TMEM128: variants seen among roughly 807,000 people sequenced by gnomAD.
TMEM128 encodes the protein transmembrane protein 128.
In TMEM128, 16 loss-of-function variants were observed where a neutral mutation model predicts 19.7. That is an observed-to-expected ratio of 0.81 (90% CI 0.55 to 1.23). The LOEUF is 1.23. TMEM128 is among the 50% of genes most tolerant of loss of function. TMEM128 has a pLI of 0.00. For missense variants in TMEM128, 237 were observed against 200.8 expected (o/e 1.18, Z -1.09); for synonymous variants, 98 against 75.8 (o/e 1.29, Z -1.52).
At chr4:4,239,897 G>T (rs1383646516) in intron 3 of TMEM128, among the ~76,000 whole-genome samples, 2 of 152,212 alleles carry the variant, frequency 1.3e-5, no homozygotes, top group Non-Finnish European at 2.9e-5. Flanking sequence ...TTACCATGAA[G>T]GTCAGGGCAG....
chr4:4,238,695 G>A (rs1717823854), intron 3 of TMEM128, among the ~76,000 whole-genome samples: 1 of 152,098 alleles, frequency 6.6e-6, no homozygotes, highest in Admixed American at 6.6e-5. Context: ...CAGAAAATAA[G>A]TCATAGAAAG....
At position 4,248,163 on chromosome 4, in the gene TMEM128, A is replaced by C. The variant is rs1397473593; in HGVS notation, c.40T>G (p.Phe14Val). 1.6e-5 allele frequency: 24 copies of C among 1,533,440 alleles called. No individual in the cohort carries two copies. In the Admixed American group the frequency reaches 4.2e-4, roughly 27 times the overall value. The allele number at this position is 1,533,440 out of a possible 1,614,324, so 95.0% of individuals were successfully genotyped here. A position where few individuals can be genotyped will look rare whatever the true frequency, so the allele number is the denominator to read the frequency against. The change falls in exon 1 of 5, where the codon TTC becomes GTC. Residue 14 changes from phenylalanine to valine, a missense_variant. Phe to Val is a conservative substitution (Grantham distance 50). Coordinates refer to ENST00000382753, the MANE Select transcript of TMEM128 (RefSeq NM_001297551.2). ...GCCTCGGCGTCCGGCAGGAGGAGGA[A>C]TCGCCGCCGGAGCTGCTGCCGGGCC... The part of the protein sequence containing the change: ...SRARQQLRRR[F>V]LLLPDAEAQL...
chr4:4,242,088 G>A (rs1260399754), intron 2 of TMEM128, among the ~76,000 whole-genome samples: 2 of 152,094 alleles, frequency 1.3e-5, no homozygotes, highest in Non-Finnish European at 2.9e-5. Context: ...TTTTAGTAGA[G>A]ATGGGGTTTC....
chr4:4,240,590 C>T, intron 2 of TMEM128, 111 bp from the exon 3 acceptor site: 1 of 1,200,568 alleles, frequency 8.3e-7, no homozygotes, highest in Non-Finnish European at 1.2e-6. Context: ...TCAAGTGTTG[C>T]AGAGGGAGCC....
rs750827231 is a variant in TMEM128 at position 4,240,404 on chromosome 4, C to G, written c.315G>C (p.Trp105Cys). The G allele has an allele frequency of 6.2e-7, 1 of 1,614,092 alleles. No individual in the cohort carries two copies. Among genetic ancestry groups the G allele is most frequent in the African/African-American group, 1.3e-5 (1 of 75,036 alleles). Reference protein sequence around the residue: ...IAFYCIVYLEWYCGIGEYDVK... With the variant: ...IAFYCIVYLECYCGIGEYDVK... ...CATCATATTCTCCAATTCCACAATA[C>G]CATTCCAGGTAGACTATGCAGTAAA... The change falls in exon 3 of 5, where the codon TGG becomes TGC. Residue 105 changes from tryptophan (W) to cysteine (C), a missense_variant. Coordinates refer to ENST00000382753, the MANE Select transcript of TMEM128 (RefSeq NM_001297551.2).
At chr4:4,246,989 C>G (rs1718206945) in intron 1 of TMEM128, among the ~76,000 whole-genome samples, 1 of 152,182 alleles carries the variant, frequency 6.6e-6, no homozygotes, top group Non-Finnish European at 1.5e-5. Context: ...TGGTCTCGAA[C>G]TCCTGACCTC....
At chr4:4,247,992 C>G in intron 1 of TMEM128, 114 bp downstream of exon 1, 1 of 1,461,122 alleles carries the variant, frequency 6.8e-7, no homozygotes, top group Non-Finnish European at 9.0e-7. Flanking sequence ...ATTAAATATT[C>G]GACTTGCAAA....
At position 4,248,138 on chromosome 4, in the gene TMEM128, G is replaced by A. The variant is rs759181833; in HGVS notation, c.65C>T (p.Ala22Val). 3 of 1,534,536 alleles carry A rather than the reference G, an allele frequency of 2.0e-6. No homozygotes were observed. The Admixed American group carries it at 5.9e-5, about 30-fold the overall frequency. The change falls in exon 1 of 5, where the codon GCC (alanine) becomes GTC (valine). Residue 22 changes from alanine (A) to valine (V), a missense_variant. By Grantham distance (64) the Ala-to-Val change is moderately conservative. Transcript: ENST00000382753. ...GGCGTCACCCTCGCGGTCCAGCTGG[G>A]CCTCGGCGTCCGGCAGGAGGAGGAA... Reference protein sequence around the residue: ...RRFLLLPDAEAQLDREGDAGP... With the variant: ...RRFLLLPDAEVQLDREGDAGP...
rs565341051 is a variant in TMEM128, at chr4:4,236,040, A to G, written c.*226T>C. On this transcript the variant is annotated 3_prime_UTR_variant, in exon 5 of 5. Coordinates refer to ENST00000382753, the MANE Select transcript of TMEM128 (RefSeq NM_001297551.2). ...AAGTCACAATTTTCCCCAGGAAACCATTCACTTCATAGCTGCAAAAACACA... is the reference window on the plus strand; with the variant it reads ...AAGTCACAATTTTCCCCAGGAAACCGTTCACTTCATAGCTGCAAAAACACA... The G allele has an allele frequency of 1.1e-4, 17 of 152,330 alleles. No individual in the cohort carries two copies. In the East Asian group the frequency reaches 2.7e-3, roughly 24 times the overall value. 9.4% of individuals were successfully genotyped at this position (152,330 alleles called of 1,614,324 possible).
At chr4:4,240,800 G>A (rs13146382) in intron 2 of TMEM128, among the ~76,000 whole-genome samples, 23,628 of 152,222 alleles carry the variant, frequency 0.16, 2,077 homozygotes, top group African/African-American at 0.23. Context: ...GGAAGAGGCC[G>A]GGCGCAGTGG....
intron 4 of TMEM128, among the ~76,000 whole-genome samples, 166 bp downstream of exon 4, chr4:4,237,661 A>G (rs540577599): frequency 2.6e-5 from 4 of 152,226 alleles, no homozygotes; most frequent in Non-Finnish European, 5.9e-5. Context: ...AAAGGAGTCT[A>G]TCTCAGAGTT....
At chr4:4,247,857 T>G in intron 1 of TMEM128, 1 of 1,429,958 alleles carries the variant, frequency 7.0e-7, no homozygotes, top group Non-Finnish European at 9.1e-7. Context: ...GACTTAAAAC[T>G]GGTGGGTATT....
At chr4:4,244,898 G>A (rs1358749278) in intron 2 of TMEM128, among the ~76,000 whole-genome samples, 13 of 152,178 alleles carry the variant, frequency 8.5e-5, no homozygotes, top group Admixed American at 4.6e-4. Context: ...AGATGGGAGT[G>A]TTTAGGGAAA....
chr4:4,246,484 A>AAAACTTCCACAC, intron 1 of TMEM128, 141 bp from the exon 2 acceptor site: 1 of 779,204 alleles, frequency 1.3e-6, no homozygotes. Context: ...AACCCTTGAG[A>AAAACTTCCACAC]TAGGTTTATA....
In TMEM128 at chr4:4,244,793, A is replaced by C. The variant is rs138428342; in HGVS notation, c.239+1409T>G. On this transcript the variant is annotated intron_variant, in intron 2 of 4. Transcript: ENST00000382753. The stretch of plus-strand genomic sequence containing the variant: ...CCTATGGGCAGCCGACTTGCAGCAG[A>C]AGAAGGTGCTGAGCTACCTTTGTCC... 3.3e-3 allele frequency among the ~76,000 whole-genome samples: 501 copies of C among 152,250 alleles called. 1 individual carries two copies. The highest frequency in any genetic ancestry group is 5.4e-3 in the Non-Finnish European group (366 of 68,002).
In TMEM128 at chr4:4,247,676, G is replaced by C. The variant is rs746067356; in HGVS notation, c.97+430C>G. 1.4e-5 allele frequency: 22 copies of C among 1,613,856 alleles called. No homozygotes were observed. The South Asian group carries it at 2.3e-4, about 17-fold the overall frequency. On this transcript the variant is annotated intron_variant, in intron 1 of 4. Coordinates refer to ENST00000382753, the MANE Select transcript of TMEM128 (RefSeq NM_001297551.2). ...GAAAATCATCCCCATTGGTACATACGAGTCGACCTGATGTGTCAGGTATAC... is the reference window on the plus strand; with the variant it reads ...GAAAATCATCCCCATTGGTACATACCAGTCGACCTGATGTGTCAGGTATAC...
At chr4:4,238,593 A>G (rs1191225812) in intron 3 of TMEM128, among the ~76,000 whole-genome samples, 1 of 152,192 alleles carries the variant, frequency 6.6e-6, no homozygotes, top group African/African-American at 2.4e-5. Context: ...TCTTACCCTC[A>G]TGGGAAAAAG....
chr4:4,247,907 G>T (rs898801774), intron 1 of TMEM128, 199 bp downstream of exon 1: 1 of 1,429,776 alleles, frequency 7.0e-7, no homozygotes, highest in African/African-American at 1.4e-5. Context: ...TGTCAAATCA[G>T]CTCTCCAGAG....
intron 1 of TMEM128, among the ~76,000 whole-genome samples, chr4:4,246,704 T>C (rs1577199962): frequency 2.0e-5 from 3 of 152,278 alleles, no homozygotes; most frequent in East Asian, 3.9e-4. Context: ...AGGCAAACAT[T>C]AGCGCATGAA....
Sources: gnomAD v4.1 joint callset for allele counts (sites outside exome capture counted in the v4.1 genomes callset) on GRCh38, gnomAD v4.1.1 for gene constraint, MANE v1.5 for transcripts, NCBI Gene and HGNC (gene_info 2026-07-23, HGNC 2026-07-21) for gene names.